The following TNFRSF10B variants were observed in gnomAD, a reference collection of about 807,000 sequenced individuals.
The protein encoded by TNFRSF10B is tumor necrosis factor receptor superfamily member 10B.
A neutral mutation model predicts 41.4 loss-of-function variants in TNFRSF10B; 35 were observed. That is an observed-to-expected ratio of 0.85 (90% CI 0.65 to 1.12). TNFRSF10B has a LOEUF of 1.12. Ranked by LOEUF, TNFRSF10B falls within the 50% of genes most tolerant of loss-of-function variation. TNFRSF10B has a pLI of 0.00. For missense variants in TNFRSF10B, 584 were observed against 552.7 expected, an observed-to-expected ratio of 1.06 and a Z score of -0.57; for synonymous variants, 230 against 215.5, an observed-to-expected ratio of 1.07 and a Z score of -0.59.
At chr8:23,048,926 A>C (rs1354931540) in intron 1 of TNFRSF10B, among the ~76,000 whole-genome samples, 2 of 152,214 alleles carry the variant, frequency 1.3e-5, no homozygotes, top group Admixed American at 1.3e-4. Context: ...TACAATAAAA[A>C]TTTTTAAAAA....
intron 2 of TNFRSF10B, chr8:23,042,933 C>A (rs1432226824): frequency 7.1e-6 from 4 of 560,086 alleles, no homozygotes; most frequent in Non-Finnish European, 1.3e-5. Context: ...TCTCAAGGTT[C>A]CTATCAGTTT....
chr8:23,041,060 T>G (rs766586167), intron 2 of TNFRSF10B, among the ~76,000 whole-genome samples: 87 of 51,250 alleles, frequency 1.7e-3, no homozygotes, highest in Admixed American at 4.8e-3. Flanking sequence ...ATTTTTTTTT[T>G]GTTGTTTTTT....
At chr8:23,066,768 A>G (rs1812995592) in intron 1 of TNFRSF10B, among the ~76,000 whole-genome samples, 1 of 151,794 alleles carries the variant, frequency 6.6e-6, no homozygotes, top group African/African-American at 2.4e-5. Flanking sequence ...GTGGTGGTGC[A>G]TGCCTGTAGT....
intron 1 of TNFRSF10B, among the ~76,000 whole-genome samples, chr8:23,043,578 A>T (rs1037060320): frequency 6.6e-6 from 1 of 152,162 alleles, no homozygotes; most frequent in Non-Finnish European, 1.5e-5. Flanking sequence ...CTATTTTTCC[A>T]TAGGTATGCC....
chr8:23,036,337 T>C (rs983811434), intron 2 of TNFRSF10B, among the ~76,000 whole-genome samples: 1 of 152,180 alleles, frequency 6.6e-6, no homozygotes, highest in African/African-American at 2.4e-5. Flanking sequence ...GAAAGTTACA[T>C]GAAGAAGTGG....
At chr8:23,029,532 G>C in intron 4 of TNFRSF10B, 78 bp downstream of exon 4, 2 of 1,412,604 alleles carry the variant, frequency 1.4e-6, no homozygotes, top group African/African-American at 1.4e-5. Flanking sequence ...TGCTGTCAGG[G>C]GAGAGACAGG....
chr8:23,027,011 C>T, intron 7 of TNFRSF10B, 122 bp downstream of exon 7: 1 of 1,483,040 alleles, frequency 6.7e-7, no homozygotes, highest in African/African-American at 1.4e-5. Context: ...CTGCAGTCCC[C>T]TGGCTCCTTC....
chr8:23,024,508 T>C (rs1409256975), intron 7 of TNFRSF10B, among the ~76,000 whole-genome samples: 1 of 150,608 alleles, frequency 6.6e-6, no homozygotes, highest in African/African-American at 2.5e-5. Flanking sequence ...TACTCAAAAG[T>C]GAATATGTCT....
intron 2 of TNFRSF10B, among the ~76,000 whole-genome samples, chr8:23,032,735 A>C (rs138070570): frequency 4.6e-5 from 7 of 152,398 alleles, no homozygotes; most frequent in African/African-American, 1.7e-4. Context: ...AGCAAAGAAC[A>C]ATCCAAAAAG....
At chr8:23,041,152 G>A (rs1295366326) in intron 2 of TNFRSF10B, among the ~76,000 whole-genome samples, 6 of 151,356 alleles carry the variant, frequency 4.0e-5, no homozygotes, top group Admixed American at 6.6e-5. Context: ...TCTGCCTCCC[G>A]GGTTCAAGCG....
chr8:23,044,562 A>G (rs1394915004), intron 1 of TNFRSF10B, among the ~76,000 whole-genome samples: 1 of 152,216 alleles, frequency 6.6e-6, no homozygotes, highest in Non-Finnish European at 1.5e-5. Flanking sequence ...GAGGAAATCA[A>G]AAGGGAATTT....
intron 2 of TNFRSF10B, among the ~76,000 whole-genome samples, chr8:23,033,293 G>A (rs189937753): frequency 1.3e-5 from 2 of 152,190 alleles, no homozygotes; most frequent in African/African-American, 4.8e-5. Context: ...AAGAGATAAA[G>A]AACACTGGAG....
chr8:23,036,277 G>A (rs1305527472), intron 2 of TNFRSF10B, among the ~76,000 whole-genome samples: 4 of 152,184 alleles, frequency 2.6e-5, no homozygotes, highest in Admixed American at 1.3e-4. Flanking sequence ...ATTTTCAAAT[G>A]TAATTGGTAT....
At chr8:23,031,371 C>T (rs887082792) in intron 2 of TNFRSF10B, among the ~76,000 whole-genome samples, 2 of 134,322 alleles carry the variant, frequency 1.5e-5, no homozygotes, top group African/African-American at 2.7e-5. Flanking sequence ...CCACTGCACC[C>T]GGCCTATTTA....
rs569564251 is a variant in TNFRSF10B, at chr8:23,042,597, C to G, written c.250+541G>C. Among the ~76,000 whole-genome samples the G allele has an allele frequency of 2.4e-3, 372 of 152,302 alleles. 2 individuals carry two copies. In the Middle Eastern group the frequency reaches 0.027, roughly 11 times the overall value. On this transcript the variant is annotated intron_variant, in intron 2 of 8. Coordinates refer to ENST00000276431, the MANE Select transcript of TNFRSF10B (RefSeq NM_003842.5). ...CCGGTTCAGTCCAGGAGTGGGCACT[C>G]AAGATGTACATCCGATGCTGGTGGC... is the stretch of plus-strand genomic sequence containing the variant.
intron 2 of TNFRSF10B, among the ~76,000 whole-genome samples, chr8:23,041,118 G>A (rs1256443598): frequency 1.3e-5 from 2 of 151,370 alleles, no homozygotes; most frequent in Non-Finnish European, 2.9e-5. Context: ...AAGTGCAATG[G>A]CGTGATCTCA....
In TNFRSF10B at chr8:23,021,752, C is replaced by T. The variant is rs1230499226; in HGVS notation, c.*919G>A. On this transcript the variant is annotated 3_prime_UTR_variant, in exon 9 of 9. Transcript: ENST00000276431. ...AAGGTTGTCCAGTTCAAAAGACTGG[C>T]CCCTGTAGAAGTTGCCAATCATTGA... 1 of 454,088 alleles carries T rather than the reference C, an allele frequency of 2.2e-6. No homozygotes were observed. The highest frequency in any genetic ancestry group is 4.4e-6 in the Non-Finnish European group (1 of 226,788). The allele number at this position is 454,088 out of a possible 1,614,324, so 28.1% of individuals were successfully genotyped here. A position where few individuals can be genotyped will look rare whatever the true frequency, so the allele number is the denominator to read the frequency against.
chr8:23,047,378 T>G (rs1171454698), intron 1 of TNFRSF10B, among the ~76,000 whole-genome samples: 1 of 150,856 alleles, frequency 6.6e-6, no homozygotes, highest in Non-Finnish European at 1.5e-5. Context: ...AAAAAAAGTT[T>G]CTGCACAACA....
rs564997389 is a variant in TNFRSF10B, at chr8:23,022,256, C to T, written c.*415G>A. The T allele has an allele frequency of 4.8e-5, 22 of 454,022 alleles. No individual in the cohort carries two copies. In the East Asian group the frequency reaches 1.0e-3, roughly 22 times the overall value. The allele number at this position is 454,022 out of a possible 1,614,324, so 28.1% of individuals were successfully genotyped here. On this transcript the variant is annotated 3_prime_UTR_variant, in exon 9 of 9. Coordinates refer to ENST00000276431, the MANE Select transcript of TNFRSF10B (RefSeq NM_003842.5). ...GCCTGGGAGACAGAGTGAACTGCCC[C>T]GCACCCCCCACCCAAAAAAGGTTCA...
Sources: gnomAD v4.1 joint callset for allele counts (sites outside exome capture counted in the v4.1 genomes callset) on GRCh38, gnomAD v4.1.1 for gene constraint, MANE v1.5 for transcripts, NCBI Gene and HGNC (gene_info 2026-07-23, HGNC 2026-07-21) for gene names.